The following PTPN14 variants were observed in gnomAD, a reference collection of about 807,000 sequenced individuals.
PTPN14 encodes tyrosine-protein phosphatase non-receptor type 14.
Under a neutral mutation model 126.8 loss-of-function variants are expected in PTPN14, and 53 were observed. The observed-to-expected ratio is 0.42, with a 90% CI of 0.34 to 0.53. The LOEUF is 0.53. PTPN14 is among the 20% of genes least tolerant of loss of function. The probability of loss-of-function intolerance (pLI) is 0.08; values close to 1 mark genes in which losing one functional copy is unlikely to be tolerated. For synonymous variants in PTPN14, 630 were observed against 599.3 expected (o/e 1.05, Z -0.75); for missense variants, 1,257 against 1,552.9 (o/e 0.81, Z 3.20).
At chr1:214,509,714 A>G (rs1476871453) in intron 1 of PTPN14, among the ~76,000 whole-genome samples, 1 of 152,224 alleles carries the variant, frequency 6.6e-6, no homozygotes, top group East Asian at 1.9e-4. Context: ...CACTATTCAC[A>G]ATAGCAAAGA....
At chr1:214,415,668 G>C (rs529600250) in intron 3 of PTPN14, among the ~76,000 whole-genome samples, 1 of 152,290 alleles carries the variant, frequency 6.6e-6, no homozygotes, top group South Asian at 2.1e-4. Context: ...GCTAATTACT[G>C]CTGGCTCTAC....
At chr1:214,452,406 C>G (rs1367057388) in intron 2 of PTPN14, among the ~76,000 whole-genome samples, 1 of 152,246 alleles carries the variant, frequency 6.6e-6, no homozygotes, top group African/African-American at 2.4e-5. Flanking sequence ...ATTCCTAAGA[C>G]AAAACCGCCT....
In PTPN14 at chr1:214,349,178, G is replaced by GC. The variant is rs1657656782; in HGVS notation, c.*8743dup. The GC allele has an allele frequency of 6.6e-6, 1 of 152,134 alleles. No individual in the cohort carries two copies. Among genetic ancestry groups the GC allele is most frequent in the Non-Finnish European group, 1.5e-5 (1 of 68,040 alleles). The allele number at this position is 152,134 out of a possible 1,614,324, so 9.4% of individuals were successfully genotyped here. ...GACTGGGCTTCCATCTTGCAAGGTG[G>GC]CAAGCGGCCACCACAGGGGGCGAAT... On this transcript the variant is annotated 3_prime_UTR_variant, in exon 19 of 19. Coordinates refer to ENST00000366956, the MANE Select transcript of PTPN14 (RefSeq NM_005401.5).
intron 3 of PTPN14, among the ~76,000 whole-genome samples, chr1:214,429,582 A>C (rs1659750512): frequency 6.6e-6 from 1 of 152,226 alleles, no homozygotes; most frequent in Non-Finnish European, 1.5e-5. Flanking sequence ...CAGTAACCAG[A>C]AGTTTCCTTG....
chr1:214,430,106 T>C (rs1387053700), intron 3 of PTPN14, among the ~76,000 whole-genome samples: 1 of 152,240 alleles, frequency 6.6e-6, no homozygotes, highest in Non-Finnish European at 1.5e-5. Flanking sequence ...GATTATTTGC[T>C]TCCTACCACA....
chr1:214,533,307 C>A, intron 1 of PTPN14: 1 of 569,998 alleles, frequency 1.8e-6, no homozygotes, highest in South Asian at 1.6e-5. Context: ...AGGCTAGGGT[C>A]ACCACCTACC....
rs1187010977 is a variant in PTPN14 at position 214,520,068 on chromosome 1, AT to A, written c.-155+31114del. On this transcript the variant is annotated intron_variant, in intron 1 of 18. Transcript: ENST00000366956. Reference sequence around the variant, plus strand: ...GTCTCAAAAAAAAAAAAAAAAAAATATATATATATATATATGCAGAATATAT... The same window carrying A: ...GTCTCAAAAAAAAAAAAAAAAAAATAATATATATATATATGCAGAATATAT... 5.8e-3 allele frequency among the ~76,000 whole-genome samples: 758 copies of A among 130,778 alleles called. 5 individuals are homozygous for A. Among genetic ancestry groups the A allele is most frequent in the African/African-American group, 0.022 (724 of 33,118 alleles). The allele number at this position is 130,778 out of a possible 152,430, so 85.8% of individuals were successfully genotyped here.
chr1:214,521,559 CA>C (rs1655255190), intron 1 of PTPN14, among the ~76,000 whole-genome samples: 1 of 151,944 alleles, frequency 6.6e-6, no homozygotes, highest in Non-Finnish European at 1.5e-5. Context: ...CTAAAAAATA[CA>C]AAAAATTAGG....
Position 214,464,839 on chromosome 1 carries a change from G to A in PTPN14, c.-36C>T. On this transcript the variant is annotated 5_prime_UTR_variant, in exon 2 of 19. Transcript: ENST00000366956. ...TCCTCGGACGCCGCCCGCCTATCCT[G>A]GCGCACACGCCCCTGAGATGGCCTT... 3.1e-6 allele frequency: 5 copies of A among 1,608,382 alleles called. No homozygotes were observed. The highest frequency in any genetic ancestry group is 4.3e-6 in the Non-Finnish European group (5 of 1,175,480).
chr1:214,361,695 C>G (rs928037896), intron 18 of PTPN14, among the ~76,000 whole-genome samples: 1 of 152,206 alleles, frequency 6.6e-6, no homozygotes, highest in African/African-American at 2.4e-5. Flanking sequence ...GTAGCTGGAA[C>G]AGACAGCTAC....
At chr1:214,416,089 A>G (rs1199891872) in intron 3 of PTPN14, among the ~76,000 whole-genome samples, 1 of 152,192 alleles carries the variant, frequency 6.6e-6, no homozygotes, top group African/African-American at 2.4e-5. Context: ...AGACAAACAG[A>G]TATTTTAACC....
intron 1 of PTPN14, chr1:214,530,683 T>C (rs1655522768): frequency 1.3e-5 from 2 of 152,156 alleles, no homozygotes; most frequent in South Asian, 4.1e-4. Flanking sequence ...TCTTCCAAAA[T>C]AAATAATTCA....
intron 2 of PTPN14, among the ~76,000 whole-genome samples, chr1:214,464,216 CA>C (rs11316078): frequency 0.6 from 72,739 of 121,774 alleles, 20,987 homozygotes; most frequent in African/African-American, 0.7. Context: ...TAGAAACAAC[CA>C]AAAAAAAAAA....
intron 1 of PTPN14, among the ~76,000 whole-genome samples, chr1:214,516,345 A>G (rs1236322382): frequency 6.6e-6 from 1 of 152,228 alleles, no homozygotes; most frequent in Non-Finnish European, 1.5e-5. Context: ...ATATGAATTG[A>G]AAAGTAATTC....
In PTPN14 at chr1:214,353,485, T is replaced by C. The variant is rs1316273735; in HGVS notation, c.*4437A>G. ...ACCCACAGATAGGGGTGGTCAACTG[T>C]ACTCATCTTCACCATCGAATACACC... On this transcript the variant is annotated 3_prime_UTR_variant, in exon 19 of 19. Coordinates refer to ENST00000366956, the MANE Select transcript of PTPN14 (RefSeq NM_005401.5). 2.6e-5 allele frequency: 4 copies of C among 152,212 alleles called. No individual in the cohort carries two copies. The highest frequency in any genetic ancestry group is 4.8e-5 in the African/African-American group (2 of 41,460). The allele number at this position is 152,212 out of a possible 1,614,324, so 9.4% of individuals were successfully genotyped here.
chr1:214,406,916 G>A (rs1211449218), intron 5 of PTPN14, among the ~76,000 whole-genome samples: 2 of 152,100 alleles, frequency 1.3e-5, no homozygotes, highest in South Asian at 2.1e-4. Context: ...AGAGTAAGGC[G>A]AATAAGAAAT....
chr1:214,481,323 A>G (rs562603877), intron 1 of PTPN14, among the ~76,000 whole-genome samples: 103 of 152,130 alleles, frequency 6.8e-4, no homozygotes, highest in African/African-American at 2.4e-3. Context: ...CATGGCCAAC[A>G]TGGTGAAACC....
At chr1:214,415,346 CA>C in intron 3 of PTPN14, among the ~76,000 whole-genome samples, 1 of 152,332 alleles carries the variant, frequency 6.6e-6, no homozygotes, top group Admixed American at 6.5e-5. Flanking sequence ...CAAGTGCCCT[CA>C]GGAGCTAATA....
intron 7 of PTPN14, among the ~76,000 whole-genome samples, chr1:214,400,967 A>T (rs748756619): frequency 2.6e-5 from 4 of 152,158 alleles, no homozygotes; most frequent in Non-Finnish European, 5.9e-5. Flanking sequence ...CTGAAATTGC[A>T]GGCATCTCCC....
Sources: gnomAD v4.1 joint callset for allele counts (sites outside exome capture counted in the v4.1 genomes callset) on GRCh38, gnomAD v4.1.1 for gene constraint, MANE v1.5 for transcripts, NCBI Gene and HGNC (gene_info 2026-07-23, HGNC 2026-07-21) for gene names.